The following RAB38 variants were observed in gnomAD, a reference collection of about 807,000 sequenced individuals.
RAB38 encodes the protein ras-related protein Rab-38.
A neutral mutation model predicts 18.4 loss-of-function variants in RAB38; 15 were observed. The observed-to-expected ratio is 0.82, with a 90% CI of 0.55 to 1.26. The LOEUF (loss-of-function observed/expected upper bound fraction) is 1.26. Ranked by LOEUF, RAB38 falls within the 50% of genes most tolerant of loss-of-function variation. RAB38 has a pLI of 0.00. For synonymous variants in RAB38, 101 were observed against 104.4 expected (o/e 0.97, Z 0.20); for missense variants, 294 against 267.4 (o/e 1.10, Z -0.69).
intron 2 of RAB38, among the ~76,000 whole-genome samples, chr11:88,129,478 T>A (rs1207875303): frequency 6.6e-6 from 1 of 152,010 alleles, no homozygotes; most frequent in Non-Finnish European, 1.5e-5. Context: ...CTGTCTCTAC[T>A]AAAAATACAA....
At chr11:88,052,158 C>A in the RAB38 span, among the ~76,000 whole-genome samples, 1 of 151,990 alleles carries the variant, frequency 6.6e-6, no homozygotes, top group Non-Finnish European at 1.5e-5. Flanking sequence ...AAACAACTCA[C>A]CTGTTGGGGT....
At chr11:87,928,371 G>GA in the RAB38 span, among the ~76,000 whole-genome samples, 4 of 151,852 alleles carry the variant, frequency 2.6e-5, no homozygotes, top group Non-Finnish European at 5.9e-5. Context: ...TAAAATAAAT[G>GA]AAAAAATGGA....
At chr11:87,912,766 C>CTT in the RAB38 span, among the ~76,000 whole-genome samples, 2 of 114,522 alleles carry the variant, frequency 1.7e-5, no homozygotes, top group South Asian at 2.7e-4. Context: ...TTCTTTCTTT[C>CTT]TTTTTTTTTT....
the RAB38 span, among the ~76,000 whole-genome samples, chr11:87,962,207 G>A: frequency 6.6e-6 from 1 of 152,048 alleles, no homozygotes; most frequent in Admixed American, 6.6e-5. Context: ...GTGTGAAGGA[G>A]TAGGAAAAAA....
At chr11:88,084,258 G>A in the RAB38 span, among the ~76,000 whole-genome samples, 1 of 151,772 alleles carries the variant, frequency 6.6e-6, no homozygotes, top group Non-Finnish European at 1.5e-5. Flanking sequence ...GTGGTTGAAC[G>A]AGGAGAAAAG....
the RAB38 span, among the ~76,000 whole-genome samples, chr11:87,841,611 G>T: frequency 1.4e-4 from 22 of 152,050 alleles, no homozygotes; most frequent in Admixed American, 1.3e-3. Flanking sequence ...GAATTTTTCT[G>T]AGTTTGGATG....
chr11:88,096,172 A>G, the RAB38 span, among the ~76,000 whole-genome samples: 3,128 of 151,472 alleles, frequency 0.021, 108 homozygotes, highest in African/African-American at 0.069. Flanking sequence ...CATCATCTTT[A>G]CCCTCCCCAA....
chr11:88,059,055 T>TTAACTACTA, the RAB38 span, among the ~76,000 whole-genome samples: 1 of 152,224 alleles, frequency 6.6e-6, no homozygotes, highest in African/African-American at 2.4e-5. Flanking sequence ...CATACTGACC[T>TTAACTACTA]TAACTACTAT....
intron 2 of RAB38, among the ~76,000 whole-genome samples, chr11:88,147,166 CA>C (rs1404925955): frequency 6.6e-6 from 1 of 152,126 alleles, no homozygotes; most frequent in African/African-American, 2.4e-5. Context: ...AAGTATCACA[CA>C]TCATATATTT....
chr11:88,111,710 A>G (rs752846162), downstream of RAB38, among the ~76,000 whole-genome samples: 3 of 152,228 alleles, frequency 2.0e-5, no homozygotes, highest in Non-Finnish European at 4.4e-5. Context: ...ACAGAGCAAC[A>G]TCTCTATAAT....
the RAB38 span, among the ~76,000 whole-genome samples, chr11:87,875,192 G>A: frequency 1.3e-5 from 2 of 151,218 alleles, no homozygotes; most frequent in Non-Finnish European, 3.0e-5. Flanking sequence ...AAAAATGATA[G>A]GTAAGTTAAG....
At chr11:88,108,183 TTC>T in the RAB38 span, among the ~76,000 whole-genome samples, 2 of 152,102 alleles carry the variant, frequency 1.3e-5, no homozygotes, top group Non-Finnish European at 2.9e-5. Context: ...CTTGTTAATT[TTC>T]TGTCTCATTG....
At chr11:87,916,198 G>A in the RAB38 span, among the ~76,000 whole-genome samples, 5 of 152,060 alleles carry the variant, frequency 3.3e-5, no homozygotes, top group East Asian at 9.7e-4. Flanking sequence ...TTTTATATGA[G>A]AGATGGACAT....
the RAB38 span, among the ~76,000 whole-genome samples, chr11:87,953,572 CATTATT>C: frequency 1.1e-4 from 17 of 151,970 alleles, no homozygotes. Flanking sequence ...TAATTGTTTA[CATTATT>C]ATTATTTATT....
chr11:88,076,925 C>G, the RAB38 span, among the ~76,000 whole-genome samples: 1 of 132,268 alleles, frequency 7.6e-6, no homozygotes, highest in Non-Finnish European at 1.6e-5. Flanking sequence ...TACCACTGCA[C>G]TCCAGCCTGG....
At chr11:88,033,899 T>G in the RAB38 span, among the ~76,000 whole-genome samples, 3 of 151,982 alleles carry the variant, frequency 2.0e-5, no homozygotes, top group Non-Finnish European at 4.4e-5. Flanking sequence ...GGTTAATTTT[T>G]TGTATTTTTA....
the RAB38 span, among the ~76,000 whole-genome samples, chr11:87,926,969 A>C: frequency 6.6e-6 from 1 of 152,060 alleles, no homozygotes; most frequent in South Asian, 2.1e-4. Flanking sequence ...GTCAACTCAG[A>C]AGAGAGGAGA....
chr11:87,809,657 A>C, the RAB38 span, among the ~76,000 whole-genome samples: 1,102 of 151,372 alleles, frequency 7.3e-3, 13 homozygotes, highest in African/African-American at 0.025. Flanking sequence ...GAATAATCAG[A>C]GGAAGCAGAA....
At chr11:87,973,244 G>C in the RAB38 span, among the ~76,000 whole-genome samples, 1 of 152,012 alleles carries the variant, frequency 6.6e-6, no homozygotes, top group African/African-American at 2.4e-5. Flanking sequence ...ACAGAAGTAA[G>C]AGAACATATT....
Sources: allele counts gnomAD v4.1 joint callset (sites outside exome capture counted in the v4.1 genomes callset), GRCh38; gene constraint gnomAD v4.1.1; transcripts MANE v1.5; gene names NCBI Gene and HGNC (gene_info 2026-07-23, HGNC 2026-07-21).